The following BNC2 variants were observed in gnomAD, a reference collection of about 807,000 sequenced individuals.
The protein encoded by BNC2 is basonuclin zinc finger protein 2.
A neutral mutation model predicts 76.3 loss-of-function variants in BNC2; 20 were observed. The observed-to-expected ratio is 0.26, with a 90% CI of 0.18 to 0.38. The LOEUF (loss-of-function observed/expected upper bound fraction) is 0.38. Ranked by LOEUF, BNC2 falls within the 10% of genes least tolerant of loss-of-function variation. The pLI is 1.00. For synonymous variants in BNC2, 582 were observed against 514.8 expected (o/e 1.13, Z -1.77); for missense variants, 1,382 against 1,399.8 (o/e 0.99, Z 0.20).
At chr9:16,601,095 A>T (rs965501640) in intron 3 of BNC2, among the ~76,000 whole-genome samples, 7 of 152,228 alleles carry the variant, frequency 4.6e-5, no homozygotes, top group African/African-American at 1.7e-4. Flanking sequence ...GCACAATCTC[A>T]TCTTCTTTAG....
intron 5 of BNC2, among the ~76,000 whole-genome samples, chr9:16,456,409 C>G (rs1013309634): frequency 6.6e-6 from 1 of 150,780 alleles, no homozygotes; most frequent in Non-Finnish European, 1.5e-5. Context: ...CACTTGCAGA[C>G]AAAATCAGAG....
chr9:16,686,319 T>TTAAAAG (rs1822977457), intron 3 of BNC2, among the ~76,000 whole-genome samples: 1 of 152,178 alleles, frequency 6.6e-6, no homozygotes, highest in Non-Finnish European at 1.5e-5. Context: ...AGATCCCTTT[T>TTAAAAG]TAAAACTAAG....
chr9:16,670,535 A>G (rs1038201864), intron 3 of BNC2, among the ~76,000 whole-genome samples: 1 of 152,208 alleles, frequency 6.6e-6, no homozygotes, highest in Non-Finnish European at 1.5e-5. Flanking sequence ...TCCCACTCCA[A>G]AATCAAGGAC....
chr9:16,567,163 C>T (rs1005756215), intron 4 of BNC2, among the ~76,000 whole-genome samples: 50 of 152,130 alleles, frequency 3.3e-4, no homozygotes, highest in African/African-American at 1.2e-3. Context: ...AGCCACAGGA[C>T]CCCAAAATGA....
intron 5 of BNC2, among the ~76,000 whole-genome samples, chr9:16,488,686 C>G (rs1174598652): frequency 1.3e-5 from 2 of 152,140 alleles, no homozygotes; most frequent in African/African-American, 4.8e-5. Flanking sequence ...GTAGTGAAAG[C>G]ATTCATGAAA....
chr9:16,727,112 TGCGCCGGC>T (rs982788461), intron 3 of BNC2: 2 of 152,124 alleles, frequency 1.3e-5, no homozygotes. Flanking sequence ...CCCGAGTGAG[TGCGCCGGC>T]GGGCCGGCGG....
intron 5 of BNC2, among the ~76,000 whole-genome samples, chr9:16,445,869 A>G (rs1230621985): frequency 6.6e-6 from 1 of 152,228 alleles, no homozygotes; most frequent in Non-Finnish European, 1.5e-5. Context: ...TGCTACATTC[A>G]GTTCATCCAG....
intron 3 of BNC2, among the ~76,000 whole-genome samples, chr9:16,623,028 CAGG>C (rs1443734586): frequency 5.9e-5 from 9 of 151,928 alleles, no homozygotes; most frequent in South Asian, 4.2e-4. Flanking sequence ...AAACATAAAA[CAGG>C]AGGAGAAGAT....
chr9:16,542,201 G>T (rs542497507), intron 5 of BNC2, among the ~76,000 whole-genome samples: 1 of 152,222 alleles, frequency 6.6e-6, no homozygotes, highest in South Asian at 2.1e-4. Flanking sequence ...TTTGAAAAAT[G>T]CTTTTCTGGG....
intron 1 of BNC2, among the ~76,000 whole-genome samples, chr9:16,782,102 T>C (rs367746166): frequency 6.6e-6 from 1 of 151,912 alleles, no homozygotes; most frequent in Non-Finnish European, 1.5e-5. Flanking sequence ...CTGGCCAACA[T>C]GAGGAAACCC....
intron 3 of BNC2, among the ~76,000 whole-genome samples, chr9:16,616,103 C>T (rs561449064): frequency 1.0e-3 from 152 of 152,244 alleles, no homozygotes; most frequent in Middle Eastern, 6.8e-3. Context: ...GAAAATGTTC[C>T]GGGCCAGGCA....
intron 4 of BNC2, among the ~76,000 whole-genome samples, chr9:16,574,090 C>T (rs374897892): frequency 3.3e-5 from 5 of 151,178 alleles, no homozygotes; most frequent in African/African-American, 4.9e-5. Context: ...ACGACCCAGC[C>T]GAATCTCCTA....
intron 4 of BNC2, among the ~76,000 whole-genome samples, chr9:16,568,996 T>G (rs1819241503): frequency 6.9e-6 from 1 of 144,502 alleles, no homozygotes; most frequent in African/African-American, 2.8e-5. Context: ...CAAGGCTTGC[T>G]TCTAGAGTTT....
intron 3 of BNC2, among the ~76,000 whole-genome samples, chr9:16,622,824 T>C (rs1461751392): frequency 6.6e-6 from 1 of 152,148 alleles, no homozygotes; most frequent in Non-Finnish European, 1.5e-5. Context: ...GGGAAACGCA[T>C]GTAAAGAACA....
chr9:16,429,893 G>C, intron 6 of BNC2: 1 of 499,096 alleles, frequency 2.0e-6, no homozygotes, highest in South Asian at 1.5e-5. Context: ...GCATCCAGCT[G>C]GGCCAGCAGG....
At chr9:16,429,031 T>G (rs561492965) in intron 6 of BNC2, among the ~76,000 whole-genome samples, 1 of 152,302 alleles carries the variant, frequency 6.6e-6, no homozygotes, top group South Asian at 2.1e-4. Context: ...AGTTACCAAA[T>G]CCCTCTTTTA....
At chr9:16,543,867 T>C (rs1230550982) in intron 5 of BNC2, among the ~76,000 whole-genome samples, 1 of 152,132 alleles carries the variant, frequency 6.6e-6, no homozygotes, top group African/African-American at 2.4e-5. Context: ...GCCAGGACAG[T>C]GTTTGTAGAG....
chr9:16,715,374 G>T (rs1823970224), intron 3 of BNC2, among the ~76,000 whole-genome samples: 1 of 152,010 alleles, frequency 6.6e-6, no homozygotes, highest in Non-Finnish European at 1.5e-5. Context: ...TAATCACAGG[G>T]GAAAAAATGA....
chr9:16,830,037 A>G (rs1282145022), intron 1 of BNC2, among the ~76,000 whole-genome samples: 2 of 152,242 alleles, frequency 1.3e-5, no homozygotes, highest in African/African-American at 2.4e-5. Flanking sequence ...CATTTCTGCT[A>G]TAAATGCTTA....
Sources: allele counts gnomAD v4.1 joint callset (sites outside exome capture counted in the v4.1 genomes callset), GRCh38; gene constraint gnomAD v4.1.1; transcripts MANE v1.5; gene names NCBI Gene and HGNC (gene_info 2026-07-23, HGNC 2026-07-21).